Variants in KAT2B observed in about 807,000 individuals in gnomAD.
KAT2B encodes the protein lysine acetyltransferase 2B.
Under a neutral mutation model 105.9 loss-of-function variants are expected in KAT2B, and 36 were observed. The observed-to-expected ratio is 0.34, with a 90% CI of 0.26 to 0.45. The LOEUF is 0.45. Among genes scored for constraint, KAT2B ranks in the 20% least tolerant of loss-of-function variants. The pLI, the probability that KAT2B is intolerant of heterozygous loss-of-function variation, is 1.00. For synonymous variants in KAT2B, 397 were observed against 377.9 expected, an observed-to-expected ratio of 1.05 and a Z score of -0.59; for missense variants, 820 against 1,021.6, an observed-to-expected ratio of 0.80 and a Z score of 2.69.
intron 1 of KAT2B, among the ~76,000 whole-genome samples, chr3:20,048,054 T>A (rs764314693): frequency 1.3e-5 from 2 of 151,740 alleles, no homozygotes; most frequent in Non-Finnish European, 2.9e-5. Flanking sequence ...TGGAGGGAGG[T>A]GGATAAGATG....
intron 1 of KAT2B, among the ~76,000 whole-genome samples, chr3:20,049,335 T>G (rs1240150699): frequency 1.3e-5 from 2 of 152,230 alleles, no homozygotes; most frequent in African/African-American, 4.8e-5. Context: ...TCCATTGGTA[T>G]TAGCAGTTTG....
chr3:20,125,211 A>C (rs1699378947), intron 9 of KAT2B, among the ~76,000 whole-genome samples: 1 of 149,356 alleles, frequency 6.7e-6, no homozygotes, highest in South Asian at 2.2e-4. Context: ...AGGCTGAGGC[A>C]GGAGAATGGC....
rs1699271781 is a variant in KAT2B, at chr3:20,119,634, A to G, written c.1187A>G (p.Tyr396Cys). ...CCTCCTGTGGCTGGGACAATTTCAT[A>G]CAATTCAACCTCATCTTCCCTTGAG... is the stretch of plus-strand genomic sequence containing the variant. Reference protein sequence around the residue: ...NPPPVAGTISYNSTSSSLEQP... With the variant: ...NPPPVAGTISCNSTSSSLEQP... Residue 396 changes from tyrosine (Y) to cysteine (C), a missense_variant, in exon 8 of 18, where the codon TAC becomes TGC. Physicochemically the swap from Tyr to Cys is radical, Grantham distance 194. Around this residue, in one of 6 missense-constraint regions of KAT2B, gnomAD observed 225 missense variants for 268.1 expected, o/e 0.84. Coordinates refer to ENST00000263754, the MANE Select transcript of KAT2B (RefSeq NM_003884.5). 3 of 1,613,962 alleles carry G rather than the reference A, an allele frequency of 1.9e-6. No homozygotes were observed. The highest frequency in any genetic ancestry group is 2.2e-5 in the South Asian group (2 of 91,090).
At chr3:20,123,008 C>T (rs1699337942) in intron 9 of KAT2B, 1 of 926,650 alleles carries the variant, frequency 1.1e-6, no homozygotes, top group African/African-American at 1.8e-5. Context: ...ATCACAGGTC[C>T]ACTTACTAAT....
intron 1 of KAT2B, among the ~76,000 whole-genome samples, chr3:20,056,248 G>C (rs1698001926): frequency 6.6e-6 from 1 of 152,158 alleles, no homozygotes; most frequent in Non-Finnish European, 1.5e-5. Context: ...TATATTGTAA[G>C]GGTAGAGGCA....
intron 6 of KAT2B, 53 bp downstream of exon 6, chr3:20,111,840 A>G: frequency 7.2e-7 from 1 of 1,390,228 alleles, no homozygotes; most frequent in Admixed American, 1.9e-5. Context: ...TGAGGTTGCT[A>G]AATACAATGC....
At chr3:20,092,000 T>A (rs1698726904) in intron 2 of KAT2B, among the ~76,000 whole-genome samples, 1 of 152,186 alleles carries the variant, frequency 6.6e-6, no homozygotes, top group Admixed American at 6.6e-5. Flanking sequence ...ATCTGATCTG[T>A]CCTAGAGAAA....
At chr3:20,059,398 C>CTG (rs1388499440) in intron 1 of KAT2B, among the ~76,000 whole-genome samples, 7 of 108,928 alleles carry the variant, frequency 6.4e-5, no homozygotes, top group Admixed American at 1.3e-4. Context: ...GCCTGGGCGA[C>CTG]AGAGACTCTG....
At chr3:20,095,561 A>C (rs577590398) in intron 3 of KAT2B, among the ~76,000 whole-genome samples, 153 bp downstream of exon 3, 2 of 152,252 alleles carry the variant, frequency 1.3e-5, no homozygotes, top group Non-Finnish European at 2.9e-5. Context: ...CTGATTCTCT[A>C]AAATGGCCCA....
intron 2 of KAT2B, among the ~76,000 whole-genome samples, chr3:20,090,639 GGC>G (rs1221550999): frequency 6.6e-6 from 1 of 152,098 alleles, no homozygotes; most frequent in Admixed American, 6.6e-5. Context: ...CAGGGATATT[GGC>G]CTGTAATATT....
intron 8 of KAT2B, among the ~76,000 whole-genome samples, chr3:20,121,095 TG>T (rs951246444): frequency 1.3e-5 from 2 of 152,154 alleles, no homozygotes; most frequent in Admixed American, 1.3e-4. Context: ...TCATGGAATT[TG>T]AGGACTTATT....
rs115874425 is a variant in KAT2B, at chr3:20,059,851, C to T, written c.304-12482C>T. 3.7e-3 allele frequency among the ~76,000 whole-genome samples: 569 copies of T among 152,246 alleles called. 4 individuals carry two copies. Among genetic ancestry groups the T allele is most frequent in the African/African-American group, 0.013 (538 of 41,510 alleles). On this transcript the variant is annotated intron_variant, in intron 1 of 17. Transcript: ENST00000263754. The stretch of plus-strand genomic sequence containing the variant: ...CACAATCTACCTTTTAGAAGATTTC[C>T]ATCACCTCCAAAGGATCCTTGGGTC...
chr3:20,088,219 T>C (rs1698654928), intron 2 of KAT2B, among the ~76,000 whole-genome samples: 1 of 152,240 alleles, frequency 6.6e-6, no homozygotes, highest in African/African-American at 2.4e-5. Context: ...AATATGGGAA[T>C]GCAGATGTCT....
intron 7 of KAT2B, 103 bp from the exon 8 acceptor site, chr3:20,119,495 G>A: frequency 8.7e-7 from 1 of 1,150,302 alleles, no homozygotes; most frequent in Non-Finnish European, 1.3e-6. Context: ...GACTTATTTT[G>A]TGGCATTGGG....
chr3:20,152,648 C>A lies in KAT2B; in HGVS notation c.*123C>A. ...AGACTTGTAAATGTAATAATTAGCA[C>A]TTTTGAAAAAACAAAAAACCTCCTT... On this transcript the variant is annotated 3_prime_UTR_variant, in exon 18 of 18. Coordinates refer to ENST00000263754, the MANE Select transcript of KAT2B (RefSeq NM_003884.5). 1 of 706,650 alleles carries A rather than the reference C, an allele frequency of 1.4e-6. No individual in the cohort carries two copies. The highest frequency in any genetic ancestry group is 2.2e-6 in the Non-Finnish European group (1 of 453,262). 43.8% of individuals were successfully genotyped at this position (706,650 alleles called of 1,614,324 possible).
In KAT2B at chr3:20,127,457, C is replaced by T. The variant is rs771660443; in HGVS notation, c.1657C>T (p.Arg553Cys). The stretch of plus-strand genomic sequence containing the variant: ...AACCCTTGCTTTAATTAAAGATGGC[C>T]GTGTTATTGGTGGTATCTGTTTCCG... ...HKTLALIKDG[R>C]VIGGICFRMF... Residue 553 changes from arginine to cysteine, a missense_variant, in exon 11 of 18, where the codon CGT (arginine) becomes TGT (cysteine). Around this residue, in one of 6 missense-constraint regions of KAT2B, gnomAD observed 225 missense variants for 268.1 expected, o/e 0.84. Transcript: ENST00000263754. 1.4e-5 allele frequency: 22 copies of T among 1,612,738 alleles called. No homozygotes were observed. Among genetic ancestry groups the T allele is most frequent in the Middle Eastern group, 1.6e-4 (1 of 6,080 alleles).
intron 11 of KAT2B, among the ~76,000 whole-genome samples, chr3:20,133,562 A>G (rs1429143917): frequency 3.9e-5 from 6 of 152,142 alleles, no homozygotes; most frequent in Non-Finnish European, 8.8e-5. Context: ...TTATGTAATC[A>G]TTTCTCTATT....
intron 2 of KAT2B, among the ~76,000 whole-genome samples, chr3:20,073,079 G>A (rs150853153): frequency 1.3e-5 from 2 of 152,180 alleles, no homozygotes; most frequent in South Asian, 2.1e-4. Context: ...GTGCTAGTAT[G>A]TTGTTCTTTG....
At position 20,040,561 on chromosome 3, in the gene KAT2B, G is replaced by C. The variant is rs1697693975; in HGVS notation, c.84G>C (p.Gln28His). 3 of 1,077,890 alleles carry C rather than the reference G, an allele frequency of 2.8e-6. No homozygotes were observed. Among genetic ancestry groups the C allele is most frequent in the Non-Finnish European group, 3.4e-6 (3 of 890,320 alleles). The allele number at this position is 1,077,890 out of a possible 1,614,324, so 66.8% of individuals were successfully genotyped here. A position where few individuals can be genotyped will look rare whatever the true frequency, so the allele number is the denominator to read the frequency against. The change falls in exon 1 of 18, where the codon CAG becomes CAC. Residue 28 changes from glutamine (Q) to histidine (H), a missense_variant. Gln to His is a conservative substitution (Grantham distance 24, BLOSUM62 0). Transcript: ENST00000263754. ...CCGGGCCCGGGGCGCTGCCCCCGCA[G>C]CCTGCGGCGCTTCCGCCCGCGCCCC... ...AGAGPGALPP[Q>H]PAALPPAPPQ...
Sources: gnomAD v4.1 joint callset for allele counts (sites outside exome capture counted in the v4.1 genomes callset) on GRCh38, gnomAD v4.1.1 for gene constraint, gnomAD v4.1.1 regional missense constraint, MANE v1.5 for transcripts, NCBI Gene and HGNC (gene_info 2026-07-23, HGNC 2026-07-21) for gene names.